The following FAM3B variants were observed in gnomAD, a reference collection of about 807,000 sequenced individuals.
FAM3B encodes FAM3 metabolism regulating signaling molecule B, also known as protein FAM3B.
In FAM3B, 29 loss-of-function variants were observed where a neutral mutation model predicts 28.4. That is an observed-to-expected ratio of 1.02 (90% confidence interval 0.76 to 1.39). The LOEUF (loss-of-function observed/expected upper bound fraction) is 1.39. Ranked by LOEUF, FAM3B falls within the 40% of genes most tolerant of loss-of-function variation. The pLI is 0.00. For synonymous variants in FAM3B, 91 were observed against 103.0 expected, an observed-to-expected ratio of 0.88 and a Z score of 0.71; for missense variants, 266 against 293.9, an observed-to-expected ratio of 0.91 and a Z score of 0.69.
At chr21:41,343,865 C>T (rs2089029848) in intron 3 of FAM3B, among the ~76,000 whole-genome samples, 2 of 152,188 alleles carry the variant, frequency 1.3e-5, no homozygotes, top group South Asian at 2.1e-4. Flanking sequence ...TGTCTATAAT[C>T]CCAGCACTTT....
upstream of FAM3B, among the ~76,000 whole-genome samples, chr21:41,313,079 T>C (rs1447126201): frequency 6.6e-6 from 1 of 152,218 alleles, no homozygotes; most frequent in Non-Finnish European, 1.5e-5. Context: ...AGCAGGCTTC[T>C]CGAGGCCACT....
rs2088857722 is a variant in FAM3B, at chr21:41,326,698, C to G, written c.163+3632C>G. 6.6e-6 allele frequency among the ~76,000 whole-genome samples: 1 copy of G among 152,230 alleles called. No homozygotes were observed. Among genetic ancestry groups the G allele is most frequent in the Admixed American group, 6.5e-5 (1 of 15,290 alleles). On this transcript the variant is annotated intron_variant, in intron 2 of 7. Coordinates refer to ENST00000357985, the MANE Select transcript of FAM3B (RefSeq NM_058186.4). The surrounding 1 kb of genome is among the most constrained non-coding windows in gnomAD (Gnocchi z 4.0). ...CCCTATGGGACCCCCACAATGGCCC[C>G]GCTGGAGACGCCAGCACCAGCCCTT...
chr21:41,317,602 A>C (rs923193269), intron 1 of FAM3B, among the ~76,000 whole-genome samples: 4 of 152,004 alleles, frequency 2.6e-5, no homozygotes, highest in Non-Finnish European at 5.9e-5. Flanking sequence ...GTCTCCTCCT[A>C]TAATCTGAAG....
intron 4 of FAM3B, among the ~76,000 whole-genome samples, chr21:41,345,383 G>C (rs1440144417): frequency 2.0e-5 from 3 of 152,036 alleles, no homozygotes; most frequent in Non-Finnish European, 4.4e-5. Context: ...GGGTGGGCCT[G>C]AGTGAGGGGT....
intron 1 of FAM3B, among the ~76,000 whole-genome samples, chr21:41,311,612 A>G (rs1190089378): frequency 6.6e-6 from 1 of 152,090 alleles, no homozygotes; most frequent in African/African-American, 2.4e-5. Context: ...GAAGAATGAC[A>G]TTGTCTTACA....
At chr21:41,311,251 AATATATATATATATAT>A (rs1168140562) in intron 1 of FAM3B, among the ~76,000 whole-genome samples, 1,539 of 34,920 alleles carry the variant, frequency 0.044, 63 homozygotes, top group Middle Eastern at 0.17. Flanking sequence ...AAAAAAAAAA[AATATATATATATATAT>A]ATATATATAT....
At chr21:41,348,930 T>C (rs1601373693) in intron 7 of FAM3B, among the ~76,000 whole-genome samples, 2 of 152,238 alleles carry the variant, frequency 1.3e-5, no homozygotes, top group South Asian at 4.1e-4. Context: ...GCTGTTGGTA[T>C]TGGTTTTTCA....
At chr21:41,323,229 T>C (rs1435630162) in intron 2 of FAM3B, among the ~76,000 whole-genome samples, 163 bp downstream of exon 2, 3 of 152,180 alleles carry the variant, frequency 2.0e-5, no homozygotes, top group Non-Finnish European at 2.9e-5. Context: ...TCCCACGCCA[T>C]TCCAAGGCAC....
chr21:41,356,108 A>G (rs1450028589), intron 7 of FAM3B, among the ~76,000 whole-genome samples: 1 of 151,692 alleles, frequency 6.6e-6, no homozygotes, highest in Non-Finnish European at 1.5e-5. Context: ...CAGAGTTGAA[A>G]ACTAAACATT....
rs559415348 is a variant in FAM3B, at chr21:41,342,693, A to G, written c.288-1783A>G. Among the ~76,000 whole-genome samples the G allele has an allele frequency of 8.1e-4, 124 of 152,308 alleles. No homozygotes were observed. The Middle Eastern group carries it at 0.01, about 13-fold the overall frequency. ...TGGTTCTTTTTAAAATCAGCATGTC[A>G]GTTTTGGTACTTTTCAGTTCTGAAA... is the stretch of plus-strand genomic sequence containing the variant. On this transcript the variant is annotated intron_variant, in intron 3 of 7. Transcript: ENST00000357985.
At chr21:41,322,310 G>A (rs1055188023) in intron 1 of FAM3B, among the ~76,000 whole-genome samples, 4 of 152,130 alleles carry the variant, frequency 2.6e-5, no homozygotes, top group Non-Finnish European at 5.9e-5. Context: ...ATATCTCCAC[G>A]GACTTTCTGT....
At chr21:41,321,387 G>T (rs1305610462) in intron 1 of FAM3B, among the ~76,000 whole-genome samples, 1 of 152,204 alleles carries the variant, frequency 6.6e-6, no homozygotes, top group Non-Finnish European at 1.5e-5. Flanking sequence ...GCCCGGGAGT[G>T]CAGCGCCCGC....
intron 7 of FAM3B, among the ~76,000 whole-genome samples, chr21:41,353,079 A>G (rs1485911327): frequency 6.6e-6 from 1 of 152,198 alleles, no homozygotes; most frequent in Non-Finnish European, 1.5e-5. Context: ...AGTATCAAAA[A>G]GAATAAAATT....
chr21:41,333,347 T>A (rs1426775916), intron 2 of FAM3B, among the ~76,000 whole-genome samples: 1 of 152,202 alleles, frequency 6.6e-6, no homozygotes, highest in Non-Finnish European at 1.5e-5. Flanking sequence ...TGTGATTGGA[T>A]CATGGGAGTG....
chr21:41,337,659 A>T (rs1183805790), intron 2 of FAM3B, among the ~76,000 whole-genome samples: 2 of 151,066 alleles, frequency 1.3e-5, no homozygotes, highest in Non-Finnish European at 3.0e-5. Context: ...GGGGGAGGGG[A>T]TGTGTGTGGG....
At chr21:41,353,662 A>G (rs2089140506) in intron 7 of FAM3B, among the ~76,000 whole-genome samples, 1 of 152,380 alleles carries the variant, frequency 6.6e-6, no homozygotes, top group South Asian at 2.1e-4. Context: ...ATTAAGTAAC[A>G]ATAAATCAAA....
At chr21:41,347,775 A>C (rs923915589) in intron 6 of FAM3B, among the ~76,000 whole-genome samples, 21 of 145,186 alleles carry the variant, frequency 1.4e-4, no homozygotes, top group African/African-American at 5.3e-4. Context: ...AAAAAGAGGA[A>C]AAGAATAAAG....
At chr21:41,340,292 T>G (rs2088993797) in intron 3 of FAM3B, among the ~76,000 whole-genome samples, 1 of 151,960 alleles carries the variant, frequency 6.6e-6, no homozygotes, top group Non-Finnish European at 1.5e-5. Context: ...TAGCTGAGGC[T>G]ACAGGCGCAC....
intron 2 of FAM3B, among the ~76,000 whole-genome samples, chr21:41,327,569 C>T (rs1034759619): frequency 1.1e-4 from 16 of 152,112 alleles, no homozygotes; most frequent in African/African-American, 3.9e-4. Flanking sequence ...CTTCTCTGAC[C>T]CATTGGTTGT....
Sources: gnomAD v4.1 joint callset for allele counts (sites outside exome capture counted in the v4.1 genomes callset) on GRCh38, gnomAD v4.1.1 for gene constraint, Gnocchi (gnomAD v3.1) non-coding constraint, MANE v1.5 for transcripts, NCBI Gene and HGNC (gene_info 2026-07-23, HGNC 2026-07-21) for gene names.